RPL3L: variants seen among roughly 807,000 people sequenced by gnomAD.
The protein encoded by RPL3L is ribosomal protein uL3-like.
A neutral mutation model predicts 44.5 loss-of-function variants in RPL3L; 44 were observed. That is an observed-to-expected ratio of 0.99 (90% CI 0.78 to 1.27). The LOEUF is 1.27. RPL3L is among the 50% of genes most tolerant of loss of function. The probability of loss-of-function intolerance (pLI) is 0.00; values close to 1 mark genes in which losing one functional copy is unlikely to be tolerated. For synonymous variants in RPL3L, 292 were observed against 230.7 expected (o/e 1.27, Z -2.41); for missense variants, 631 against 569.1 (o/e 1.11, Z -1.11).
At chr16:1,947,498 T>C in intron 4 of RPL3L, 118 bp from the exon 5 acceptor site, 6 of 1,257,998 alleles carry the variant, frequency 4.8e-6, no homozygotes, top group Non-Finnish European at 6.4e-6. Flanking sequence ...TCACAGGTGT[T>C]CCCAGGATCA....
In RPL3L at chr16:1,945,609, C is replaced by T. The variant is rs745693162; in HGVS notation, c.1057G>A (p.Val353Met). Residue 353 changes from valine to methionine, a missense_variant, in exon 9 of 10, where the codon GTG becomes ATG. Physicochemically the swap from Val to Met is conservative, Grantham distance 21 (BLOSUM62 1). Transcript: ENST00000268661. ...TCCACGGCTTGGCGACTGTGATGCACCAGGAGGGACTGGGGAATCCATGGT... is the reference window on the plus strand; with the variant it reads ...TCCACGGCTTGGCGACTGTGATGCATCAGGAGGGACTGGGGAATCCATGGT... ...RVITLRKSLL[V>M]HHSRQAVENI... is the part of the protein sequence containing the mutation. The T allele has an allele frequency of 5.0e-6, 8 of 1,613,882 alleles. No individual in the cohort carries two copies. The highest frequency in any genetic ancestry group is 6.8e-6 in the Non-Finnish European group (8 of 1,179,972).
chr16:1,948,269 A>T (rs1462120151), intron 4 of RPL3L, among the ~76,000 whole-genome samples: 1 of 141,718 alleles, frequency 7.1e-6, no homozygotes, highest in Non-Finnish European at 1.6e-5. Flanking sequence ...TGTTGCCCAG[A>T]CTGGAGTACA....
At chr16:1,953,552 C>T (rs981020617) in intron 2 of RPL3L, among the ~76,000 whole-genome samples, 3 of 152,116 alleles carry the variant, frequency 2.0e-5, no homozygotes, top group Non-Finnish European at 2.9e-5. Flanking sequence ...TGTGAATCTA[C>T]GATTAAAACA....
chr16:1,945,791 C>T (rs1401530901), intron 8 of RPL3L, 44 bp downstream of exon 8: 1 of 1,609,780 alleles, frequency 6.2e-7, no homozygotes, highest in Non-Finnish European at 8.5e-7. Context: ...GACAGGCTGG[C>T]AGCCCTCGGG....
At chr16:1,944,989 C>T (rs904631098) in intron 9 of RPL3L, 96 bp from the exon 10 acceptor site, 15 of 1,494,352 alleles carry the variant, frequency 1.0e-5, no homozygotes, top group African/African-American at 1.5e-5. Flanking sequence ...GCCGGCCCTA[C>T]TGCCCCCCTA....
intron 7 of RPL3L, 132 bp from the exon 8 acceptor site, chr16:1,946,062 G>A: frequency 2.8e-6 from 2 of 702,618 alleles, no homozygotes; most frequent in South Asian, 1.8e-5. Flanking sequence ...CAGATGTAGG[G>A]GTGACTATCA....
At chr16:1,949,251 T>TGTTTTTTC (rs2083150414) in intron 4 of RPL3L, among the ~76,000 whole-genome samples, 7 of 97,186 alleles carry the variant, frequency 7.2e-5, no homozygotes, top group African/African-American at 2.7e-4. Flanking sequence ...TTTGTTTTTT[T>TGTTTTTTC]TTTTTTTCTT....
Position 1,950,946 on chromosome 16 carries a change from G to C in RPL3L, c.399C>G (p.Ala133=). The change falls in exon 4 of 10, where the codon GCC becomes GCG. Residue 133 remains alanine, a synonymous_variant. Transcript: ENST00000268661. ...CGTCTGTGTCCCGCCACCTCTTGCA[G>C]GCCTTGGTGAAGGCTTTCTTCTTGC... The part of the protein sequence containing the change: ...HKSKKKAFTK[A]CKRWRDTDGK... 1 of 1,614,012 alleles carries C rather than the reference G, an allele frequency of 6.2e-7. No homozygotes were observed. Among genetic ancestry groups the C allele is most frequent in the Non-Finnish European group, 8.5e-7 (1 of 1,179,962 alleles).
intron 2 of RPL3L, among the ~76,000 whole-genome samples, chr16:1,953,301 C>T (rs139768810): frequency 6.6e-6 from 1 of 152,190 alleles, no homozygotes; most frequent in Non-Finnish European, 1.5e-5. Flanking sequence ...CTCACTGCAG[C>T]CTTGACTTCC....
chr16:1,948,132 T>C (rs951190245), intron 4 of RPL3L, among the ~76,000 whole-genome samples: 1 of 151,658 alleles, frequency 6.6e-6, no homozygotes, highest in African/African-American at 2.4e-5. Context: ...TGAGACAGGG[T>C]TTCACTGTGT....
At chr16:1,952,849 C>A (rs368718732) in intron 3 of RPL3L, 25 bp downstream of exon 3, 5 of 1,612,158 alleles carry the variant, frequency 3.1e-6, no homozygotes, top group Non-Finnish European at 4.2e-6. Context: ...AGCCCTTGGA[C>A]GGCCCAGCCA....
intron 3 of RPL3L, among the ~76,000 whole-genome samples, chr16:1,951,850 C>T (rs2083174074): frequency 6.6e-6 from 1 of 151,272 alleles, no homozygotes; most frequent in Admixed American, 6.6e-5. Flanking sequence ...GAATACCTTT[C>T]TATGTGTAAG....
chr16:1,948,221 G>C (rs2083140159), intron 4 of RPL3L, among the ~76,000 whole-genome samples: 1 of 150,712 alleles, frequency 6.6e-6, no homozygotes, highest in Non-Finnish European at 1.5e-5. Flanking sequence ...ACAGGCGTGA[G>C]CCACCACGCC....
rs1260132526 is a variant in RPL3L at position 1,950,037 on chromosome 16, G to A, written c.501+807C>T. ...GTATGTAGGGAGCAGGTATGGACGG[G>A]GCAGGTATAGACAGAGCAGGTATGT... On this transcript the variant is annotated intron_variant, in intron 4 of 9. Coordinates refer to ENST00000268661, the MANE Select transcript of RPL3L (RefSeq NM_005061.3). Among the ~76,000 whole-genome samples the A allele has an allele frequency of 7.5e-3, 1,001 of 133,486 alleles. 48 individuals are homozygous for A. Among genetic ancestry groups the A allele is most frequent in the African/African-American group, 0.029 (935 of 32,492 alleles). 87.6% of individuals were successfully genotyped at this position (133,486 alleles called of 152,430 possible). A position where few individuals can be genotyped will look rare whatever the true frequency, so the allele number is the denominator to read the frequency against.
chr16:1,950,394 C>G (rs1242688157), intron 4 of RPL3L, among the ~76,000 whole-genome samples: 2 of 151,940 alleles, frequency 1.3e-5, no homozygotes, highest in African/African-American at 4.8e-5. Flanking sequence ...GTCGGGGGCA[C>G]TGCTCTAGGG....
rs2531331 is a variant in RPL3L, at chr16:1,944,646, T to C, written c.*191A>G. ...CCGGTCTCCCGCACAGCCAGCTCTG[T>C]GTGAATTACTCTTTCTCTATTGCAA... On this transcript the variant is annotated 3_prime_UTR_variant, in exon 10 of 10. Coordinates refer to ENST00000268661, the MANE Select transcript of RPL3L (RefSeq NM_005061.3). 300,770 of 641,086 alleles carry C rather than the reference T, an allele frequency of 0.47. 74,532 individuals are homozygous for C. Among genetic ancestry groups the C allele is most frequent in the South Asian group, 0.67 (34,959 of 51,870 alleles). 39.7% of individuals were successfully genotyped at this position (641,086 alleles called of 1,614,324 possible).
Position 1,946,982 on chromosome 16 carries a change from C to T in RPL3L, c.805G>A (p.Ala269Thr). ...CGGTGGTGATAGCCCTTCTGCCCGG[C>T]CCGAGCAATGGAGCAGCCCACGCGG... The part of the protein sequence containing the change: ...PARVGCSIAR[A>T]GQKGYHHRTE... The change falls in exon 6 of 10, where the codon GCC becomes ACC. Residue 269 changes from alanine to threonine, a missense_variant. Coordinates refer to ENST00000268661, the MANE Select transcript of RPL3L (RefSeq NM_005061.3). 1 of 1,610,336 alleles carries T rather than the reference C, an allele frequency of 6.2e-7. No homozygotes were observed. Among genetic ancestry groups the T allele is most frequent in the Non-Finnish European group, 8.5e-7 (1 of 1,179,080 alleles).
At position 1,948,324 on chromosome 16, in the gene RPL3L, A is replaced by G. The variant is rs188262513; in HGVS notation, c.502-944T>C. Among the ~76,000 whole-genome samples the G allele has an allele frequency of 4.0e-5, 6 of 151,480 alleles. No individual in the cohort carries two copies. The East Asian group carries it at 9.8e-4, about 25-fold the overall frequency. ...CTGCAACCTCTGCCTCCCTGAATCA[A>G]GTGATTCTCCTGCCTCAGCTTCTTG... On this transcript the variant is annotated intron_variant, in intron 4 of 9. Coordinates refer to ENST00000268661, the MANE Select transcript of RPL3L (RefSeq NM_005061.3).
intron 2 of RPL3L, among the ~76,000 whole-genome samples, chr16:1,953,347 G>GCC (rs57684118): frequency 0.036 from 5,437 of 152,214 alleles, 344 homozygotes; most frequent in African/African-American, 0.12. Context: ...AGCCTCCCAA[G>GCC]TAGCTGCGAC....
Sources: gnomAD v4.1 joint callset for allele counts (sites outside exome capture counted in the v4.1 genomes callset) on GRCh38, gnomAD v4.1.1 for gene constraint, MANE v1.5 for transcripts, NCBI Gene and HGNC (gene_info 2026-07-23, HGNC 2026-07-21) for gene names.